Variants in GRIK4 observed in about 807,000 individuals in gnomAD.
GRIK4 encodes the protein glutamate receptor ionotropic, kainate 4.
GRIK4 carries 40 observed loss-of-function variants against 104.9 expected under a neutral mutation model. The ratio of observed to expected loss-of-function variants is 0.38; its 90% CI spans 0.30 to 0.50. GRIK4 has a LOEUF of 0.50. Ranked by LOEUF, GRIK4 falls within the 20% of genes least tolerant of loss-of-function variation. GRIK4 has a pLI of 0.93. For missense variants in GRIK4, 1,047 were observed against 1,308.1 expected (o/e 0.80, Z 3.08); for synonymous variants, 485 against 524.9 (o/e 0.92, Z 1.04).
At chr11:120,802,879 G>GC in intron 4 of GRIK4, 22 bp downstream of exon 4, 1 of 1,608,706 alleles carries the variant, frequency 6.2e-7, no homozygotes, top group South Asian at 1.1e-5. Context: ...GGGCAGGGCT[G>GC]CCTCTTCCCT....
Position 120,889,248 on chromosome 11 carries a change from G to A in GRIK4, c.1165-9284G>A, listed in dbSNP as rs181686286. Among the ~76,000 whole-genome samples, 268 of 152,258 alleles carry A rather than the reference G, an allele frequency of 1.8e-3. 1 individual carries two copies. Among genetic ancestry groups the A allele is most frequent in the Non-Finnish European group, 2.5e-3 (172 of 68,016 alleles). On this transcript the variant is annotated intron_variant, in intron 11 of 20. Coordinates refer to ENST00000527524, the MANE Select transcript of GRIK4 (RefSeq NM_014619.5). ...TCCCTCGTGCCAAGGTGTTCACCACGGAGGCTAATATTACAAACCTTTTTA... is the reference window on the plus strand; with the variant it reads ...TCCCTCGTGCCAAGGTGTTCACCACAGAGGCTAATATTACAAACCTTTTTA...
rs149137706 is a variant in GRIK4, at chr11:120,886,424, G to T, written c.1164+11181G>T. Among the ~76,000 whole-genome samples, 42 of 152,322 alleles carry T rather than the reference G, an allele frequency of 2.8e-4. No individual in the cohort carries two copies. The East Asian group carries it at 7.9e-3, about 29-fold the overall frequency. On this transcript the variant is annotated intron_variant, in intron 11 of 20. Coordinates refer to ENST00000527524, the MANE Select transcript of GRIK4 (RefSeq NM_014619.5). ...GATATGCCTTCCAGAGAAAGCATGT[G>T]TGTTAGGTAAGCTGCATTCTGGCTG... is the stretch of plus-strand genomic sequence containing the variant.
At chr11:120,747,655 C>T (rs987977225) in intron 3 of GRIK4, among the ~76,000 whole-genome samples, 1 of 152,194 alleles carries the variant, frequency 6.6e-6, no homozygotes, top group Admixed American at 6.5e-5. Flanking sequence ...TTCTATGCGC[C>T]GTTCCCATTT....
intron 18 of GRIK4, among the ~76,000 whole-genome samples, chr11:120,965,155 T>C (rs1201493204): frequency 6.6e-6 from 1 of 152,120 alleles, no homozygotes; most frequent in Non-Finnish European, 1.5e-5. Flanking sequence ...CCCAGGAAAA[T>C]TAAGCGAGAC....
intron 9 of GRIK4, among the ~76,000 whole-genome samples, chr11:120,863,631 C>T (rs1228069397): frequency 1.3e-5 from 2 of 152,220 alleles, no homozygotes; most frequent in African/African-American, 2.4e-5. Context: ...TGGGTACACT[C>T]CTGGAGTGGG....
At chr11:120,565,694 A>C (rs1444836345) in intron 1 of GRIK4, among the ~76,000 whole-genome samples, 1 of 152,242 alleles carries the variant, frequency 6.6e-6, no homozygotes, top group Non-Finnish European at 1.5e-5. Flanking sequence ...AGACCGGAGT[A>C]GAAATACAGG....
At position 120,905,741 on chromosome 11, in the gene GRIK4, CTGAT is replaced by C. The variant is rs1942854727; in HGVS notation, c.1476+254_1476+257del. On this transcript the variant is annotated intron_variant, in intron 13 of 20. Transcript: ENST00000527524. This position sits in a 1 kb window ranked among gnomAD's most constrained non-coding sequence, Gnocchi z 5.1. ...GAGCCTGTGACAAGTCATGGAGGCT[CTGAT>C]TGATTAACACAGATGAGGGAGTTTG... 6.6e-6 allele frequency among the ~76,000 whole-genome samples: 1 copy of C among 152,228 alleles called. No individual in the cohort carries two copies. The highest frequency in any genetic ancestry group is 2.4e-5 in the African/African-American group (1 of 41,470).
chr11:120,515,800 A>C (rs972599242), intron 1 of GRIK4, among the ~76,000 whole-genome samples: 25 of 152,268 alleles, frequency 1.6e-4, no homozygotes, highest in Non-Finnish European at 3.4e-4. Flanking sequence ...CAGTATGAAC[A>C]AAAAACTTAT....
chr11:120,908,818 A>G (rs1366148154), intron 13 of GRIK4, among the ~76,000 whole-genome samples: 3 of 152,224 alleles, frequency 2.0e-5, no homozygotes, highest in African/African-American at 7.2e-5. Context: ...CAACACTTCT[A>G]GGCTGTGCGC....
chr11:120,598,238 C>T (rs544188265), intron 1 of GRIK4, among the ~76,000 whole-genome samples: 6 of 152,300 alleles, frequency 3.9e-5, no homozygotes, highest in African/African-American at 1.4e-4. Flanking sequence ...TCCATCCATT[C>T]TCTCATTTCT....
chr11:120,617,401 G>A (rs924558318), intron 1 of GRIK4, among the ~76,000 whole-genome samples: 2 of 151,410 alleles, frequency 1.3e-5, no homozygotes, highest in South Asian at 4.2e-4. Flanking sequence ...ATTTATTGAG[G>A]CAGGATCTAA....
At chr11:120,572,588 G>A (rs11599940) in intron 1 of GRIK4, among the ~76,000 whole-genome samples, 42,640 of 152,050 alleles carry the variant, frequency 0.28, 7,769 homozygotes, top group Non-Finnish European at 0.41. Context: ...TCTCCCTCCC[G>A]TCTTTACAAT....
chr11:120,778,303 G>A (rs775378499), intron 3 of GRIK4, among the ~76,000 whole-genome samples: 20 of 152,308 alleles, frequency 1.3e-4, no homozygotes, highest in South Asian at 6.2e-4. Flanking sequence ...ACAGGATCGG[G>A]ACTCTAACAA....
chr11:120,972,217 G>A (rs946321334), intron 19 of GRIK4, among the ~76,000 whole-genome samples: 16 of 152,188 alleles, frequency 1.1e-4, no homozygotes, highest in Non-Finnish European at 2.2e-4. Context: ...CCCTGGACTG[G>A]GTTTGGGAGC....
At chr11:120,660,766 G>T (rs1356990809) in intron 3 of GRIK4, among the ~76,000 whole-genome samples, 1 of 152,174 alleles carries the variant, frequency 6.6e-6, no homozygotes. Context: ...CTTCTTTCCT[G>T]TGATCAGTCC....
intron 1 of GRIK4, among the ~76,000 whole-genome samples, chr11:120,634,643 CTTG>C (rs1949374742): frequency 6.6e-6 from 1 of 152,182 alleles, no homozygotes; most frequent in African/African-American, 2.4e-5. Flanking sequence ...AGATGGGAGA[CTTG>C]TTGCTCTGTC....
rs780730991 is a variant in GRIK4 at position 120,986,298 on chromosome 11, C to CGGGAG, written c.*47_*51dup. 1.4e-5 allele frequency: 3 copies of CGGGAG among 219,364 alleles called. No homozygotes were observed. Among genetic ancestry groups the CGGGAG allele is most frequent in the African/African-American group, 6.4e-5 (2 of 31,194 alleles). The allele number at this position is 219,364 out of a possible 1,614,324, so 13.6% of individuals were successfully genotyped here. A position where few individuals can be genotyped will look rare whatever the true frequency, so the allele number is the denominator to read the frequency against. On this transcript the variant is annotated 3_prime_UTR_variant, in exon 21 of 21. Coordinates refer to ENST00000527524, the MANE Select transcript of GRIK4 (RefSeq NM_014619.5). ...CAGGACGCGCAGAGGCCGGGCGGGG[C>CGGGAG]GGGAGGGGAGGGGCGGGGCGGGCGC...
chr11:120,744,106 G>A (rs1489155141), intron 3 of GRIK4, among the ~76,000 whole-genome samples: 2 of 152,186 alleles, frequency 1.3e-5, no homozygotes, highest in South Asian at 4.1e-4. Context: ...CATGAAGTGA[G>A]TGCAAAGCGC....
intron 13 of GRIK4, among the ~76,000 whole-genome samples, chr11:120,922,211 C>T (rs961402029): frequency 4.6e-5 from 7 of 152,114 alleles, no homozygotes; most frequent in African/African-American, 1.7e-4. Context: ...AAGTATATTG[C>T]CCCCATTTTA....
Sources: allele counts gnomAD v4.1 joint callset (sites outside exome capture counted in the v4.1 genomes callset), GRCh38; gene constraint gnomAD v4.1.1; non-coding constraint Gnocchi (gnomAD v3.1); transcripts MANE v1.5; gene names NCBI Gene and HGNC (gene_info 2026-07-23, HGNC 2026-07-21).